Variants in SHOC1 observed in about 807,000 individuals in gnomAD.
SHOC1 encodes the protein shortage in chiasmata 1, also known as protein shortage in chiasmata 1 ortholog.
In SHOC1, 136 loss-of-function variants were observed where a neutral mutation model predicts 179.2. The observed-to-expected ratio is 0.76, with a 90% CI of 0.66 to 0.87. The LOEUF (loss-of-function observed/expected upper bound fraction) is 0.87, where lower values mean the gene tolerates loss of function less well. Ranked by LOEUF, SHOC1 falls within the 40% of genes least tolerant of loss-of-function variation. The probability of loss-of-function intolerance (pLI) is 0.00; values close to 1 mark genes in which losing one functional copy is unlikely to be tolerated. For synonymous variants in SHOC1, 489 were observed against 586.6 expected, an observed-to-expected ratio of 0.83 and a Z score of 2.41; for missense variants, 1,538 against 1,700.8, an observed-to-expected ratio of 0.90 and a Z score of 1.68.
At chr9:111,786,645 T>C (rs901315590) in intron 2 of SHOC1, among the ~76,000 whole-genome samples, 6 of 152,044 alleles carry the variant, frequency 3.9e-5, no homozygotes, top group Non-Finnish European at 8.8e-5. Flanking sequence ...ATTTGAAACT[T>C]TTCCGTTATT....
At chr9:111,734,490 T>G (rs1833731647) in intron 12 of SHOC1, among the ~76,000 whole-genome samples, 3 of 152,238 alleles carry the variant, frequency 2.0e-5, no homozygotes, top group Admixed American at 1.3e-4. Flanking sequence ...TGATATTGTC[T>G]GTTTATCTGT....
At chr9:111,725,515 G>A (rs1450958876) in intron 13 of SHOC1, among the ~76,000 whole-genome samples, 2 of 152,202 alleles carry the variant, frequency 1.3e-5, no homozygotes, top group South Asian at 2.1e-4. Flanking sequence ...TCCAGGGAGG[G>A]CGGGGGAGGT....
At chr9:111,779,115 AGAGAGAGAG>A (rs1835943029) in intron 4 of SHOC1, among the ~76,000 whole-genome samples, 1 of 120,718 alleles carries the variant, frequency 8.3e-6, no homozygotes, top group Non-Finnish European at 1.6e-5. Flanking sequence ...AAAAAAAAAA[AGAGAGAGAG>A]AGAGAGAGAG....
intron 13 of SHOC1, among the ~76,000 whole-genome samples, chr9:111,726,863 T>C (rs758223335): frequency 1.3e-5 from 2 of 152,148 alleles, no homozygotes; most frequent in African/African-American, 4.8e-5. Context: ...ATTAACCTTA[T>C]GAAGAAAGAA....
Position 111,692,006 on chromosome 9 carries a change from A to G in SHOC1, c.3971T>C (p.Ile1324Thr), listed in dbSNP as rs1831459947. The G allele has an allele frequency of 9.9e-6, 16 of 1,613,274 alleles. No individual in the cohort carries two copies. The highest frequency in any genetic ancestry group is 1.2e-5 in the Non-Finnish European group (14 of 1,179,730). Reference protein sequence around the residue: ...QKRVSVVPRFINSQKRRTHEA... With the variant: ...QKRVSVVPRFTNSQKRRTHEA... The stretch of plus-strand genomic sequence containing the variant: ...ATGTGTTCTCCTTTTCTGAGAATTT[A>G]TAAAACGGGGGACAACTGACACTCT... The change falls in exon 27 of 28, where the codon ATA (isoleucine) becomes ACA (threonine). Residue 1324 changes from isoleucine to threonine, a missense_variant. By Grantham distance (89) the Ile-to-Thr change is moderately conservative. Coordinates refer to ENST00000682961, the MANE Select transcript of SHOC1 (RefSeq NM_001378211.1).
intron 12 of SHOC1, among the ~76,000 whole-genome samples, chr9:111,732,308 G>C (rs1034449087): frequency 6.6e-6 from 1 of 152,150 alleles, no homozygotes; most frequent in Non-Finnish European, 1.5e-5. Flanking sequence ...GTGTGGCCTG[G>C]CATGGTGGCT....
chr9:111,747,875 G>A (rs1281632491), intron 9 of SHOC1, among the ~76,000 whole-genome samples: 5 of 152,170 alleles, frequency 3.3e-5, no homozygotes, highest in Admixed American at 6.5e-5. Flanking sequence ...GTGAACCACC[G>A]CACTAGGCCT....
At chr9:111,694,067 T>C in intron 25 of SHOC1, 119 bp from the exon 26 acceptor site, 1 of 1,085,174 alleles carries the variant, frequency 9.2e-7, no homozygotes, top group Non-Finnish European at 1.3e-6. Context: ...CTTTCGAAAG[T>C]GATCCATTTT....
At chr9:111,764,785 G>A (rs1402717507) in intron 5 of SHOC1, among the ~76,000 whole-genome samples, 1 of 152,140 alleles carries the variant, frequency 6.6e-6, no homozygotes, top group African/African-American at 2.4e-5. Flanking sequence ...AGTTAAAAGT[G>A]GTTGCCTCTA....
chr9:111,707,436 T>A (rs1015268740), intron 19 of SHOC1, among the ~76,000 whole-genome samples: 26 of 151,620 alleles, frequency 1.7e-4, no homozygotes, highest in Non-Finnish European at 3.1e-4. Context: ...AAATAAAGAG[T>A]TTTACACAAT....
intron 2 of SHOC1, among the ~76,000 whole-genome samples, chr9:111,787,024 G>A (rs557010393): frequency 2.0e-5 from 3 of 152,098 alleles, no homozygotes; most frequent in South Asian, 4.1e-4. Flanking sequence ...CCTGGATGAT[G>A]GCACATGTAT....
At chr9:111,762,566 C>T (rs1835183918) in intron 5 of SHOC1, among the ~76,000 whole-genome samples, 1 of 151,948 alleles carries the variant, frequency 6.6e-6, no homozygotes, top group Admixed American at 6.6e-5. Context: ...AACAATTTAT[C>T]TTTGAATTAT....
At chr9:111,743,979 C>G (rs1268298699) in intron 10 of SHOC1, among the ~76,000 whole-genome samples, 3 of 152,062 alleles carry the variant, frequency 2.0e-5, no homozygotes, top group African/African-American at 7.2e-5. Context: ...AATTTGAAAG[C>G]CTTTTTTTTC....
At position 111,727,236 on chromosome 9, in the gene SHOC1, C is replaced by A. The variant is rs1339350280; in HGVS notation, c.1834+397G>T. 2.0e-5 allele frequency among the ~76,000 whole-genome samples: 3 copies of A among 152,190 alleles called. No homozygotes were observed. In the East Asian group the frequency reaches 5.8e-4, roughly 29 times the overall value. On this transcript the variant is annotated intron_variant, in intron 13 of 27. Coordinates refer to ENST00000682961, the MANE Select transcript of SHOC1 (RefSeq NM_001378211.1). ...AACAATTAAGTAGACAGAAAGTTTT[C>A]TTTCAAGTACACATAAAAATATAAT...
At chr9:111,698,130 A>G (rs1831792240) in intron 24 of SHOC1, among the ~76,000 whole-genome samples, 1 of 152,176 alleles carries the variant, frequency 6.6e-6, no homozygotes, top group Non-Finnish European at 1.5e-5. Flanking sequence ...ATGTTCTCCC[A>G]TTCTGTAGGT....
chr9:111,792,714 C>A (rs1836489296), intron 1 of SHOC1, among the ~76,000 whole-genome samples: 1 of 152,166 alleles, frequency 6.6e-6, no homozygotes, highest in Non-Finnish European at 1.5e-5. Context: ...AATATGTTAT[C>A]TGAATTGTCT....
chr9:111,784,428 G>C (rs1836187898), intron 3 of SHOC1, among the ~76,000 whole-genome samples: 1 of 152,138 alleles, frequency 6.6e-6, no homozygotes, highest in South Asian at 2.1e-4. Flanking sequence ...GTTACTATAA[G>C]CCTTGTCCAA....
At chr9:111,717,762 T>C (rs1370390163) in intron 16 of SHOC1, among the ~76,000 whole-genome samples, 2 of 152,150 alleles carry the variant, frequency 1.3e-5, no homozygotes, top group African/African-American at 2.4e-5. Flanking sequence ...CATATACTAA[T>C]ATAGACATGA....
At chr9:111,781,548 C>A (rs1249019147) in intron 3 of SHOC1, among the ~76,000 whole-genome samples, 1 of 152,080 alleles carries the variant, frequency 6.6e-6, no homozygotes, top group Admixed American at 6.5e-5. Flanking sequence ...CATGGCAAAA[C>A]CCCATCTCTA....
Sources: allele counts gnomAD v4.1 joint callset (sites outside exome capture counted in the v4.1 genomes callset), GRCh38; gene constraint gnomAD v4.1.1; transcripts MANE v1.5; gene names NCBI Gene and HGNC (gene_info 2026-07-23, HGNC 2026-07-21).